Variants in FANCA observed in about 807,000 individuals in gnomAD.
FANCA encodes the protein FA complementation group A, also known as Fanconi anemia group A protein.
Under a neutral mutation model 194.3 loss-of-function variants are expected in FANCA, and 236 were observed. The ratio of observed to expected loss-of-function variants is 1.21; its 90% CI spans 1.09 to 1.35. FANCA has a LOEUF of 1.35. FANCA is among the 40% of genes most tolerant of loss of function. The pLI is 0.00. For synonymous variants in FANCA, 1,014 were observed against 715.8 expected (o/e 1.42, Z -6.65); for missense variants, 2,628 against 1,813.9 (o/e 1.45, Z -8.15).
At chr16:89,758,255 G>T (rs948318394) in intron 30 of FANCA, among the ~76,000 whole-genome samples, 1 of 152,186 alleles carries the variant, frequency 6.6e-6, no homozygotes, top group Non-Finnish European at 1.5e-5. Context: ...TATGTGATAG[G>T]CTCAAGTGTA....
intron 11 of FANCA, among the ~76,000 whole-genome samples, chr16:89,794,379 G>T (rs1269471958): frequency 6.6e-6 from 1 of 151,970 alleles, no homozygotes; most frequent in Admixed American, 6.6e-5. Flanking sequence ...GTGAAACCCT[G>T]TCTCTACTCA....
chr16:89,799,008 T>C (rs766561109), intron 10 of FANCA, 158 bp downstream of exon 10: 6 of 1,614,092 alleles, frequency 3.7e-6, no homozygotes, highest in African/African-American at 1.3e-5. Flanking sequence ...GGCTTTCCCA[T>C]GGTCGCCTCC....
chr16:89,803,960 C>CT lies in FANCA; in HGVS notation c.710-620dup, dbSNP rs35731284. 5.5e-3 allele frequency among the ~76,000 whole-genome samples: 830 copies of CT among 152,128 alleles called. 5 individuals carry two copies. The highest frequency in any genetic ancestry group is 0.019 in the African/African-American group (800 of 41,494). On this transcript the variant is annotated intron_variant, in intron 7 of 42. Coordinates refer to ENST00000389301, the MANE Select transcript of FANCA (RefSeq NM_000135.4). ...AATAAAAGTGGTTTCCAAGGGAGGT[C>CT]TTATGGATTGTCTTGCCTGCCAATC...
At chr16:89,808,498 C>G (rs1421951137) in intron 5 of FANCA, 131 bp from the exon 6 acceptor site, 5 of 903,348 alleles carry the variant, frequency 5.5e-6, no homozygotes, top group Non-Finnish European at 8.7e-6. Flanking sequence ...AAATTAACCT[C>G]AAGCAAAAAC....
Position 89,737,611 on chromosome 16 carries a change from G to A in FANCA, c.*990C>T. 9.5e-7 allele frequency: 1 copy of A among 1,054,736 alleles called. No homozygotes were observed. The highest frequency in any genetic ancestry group is 1.3e-6 in the Non-Finnish European group (1 of 758,412). 65.3% of individuals were successfully genotyped at this position (1,054,736 alleles called of 1,614,324 possible). ...TCCTGAAATGCACACAGCTGATGAA[G>A]CCACGTGACAGTGTATAAAGCAGTT... On this transcript the variant is annotated 3_prime_UTR_variant, in exon 43 of 43. Coordinates refer to ENST00000389301, the MANE Select transcript of FANCA (RefSeq NM_000135.4).
chr16:89,772,095 T>A (rs1034352224), intron 22 of FANCA, among the ~76,000 whole-genome samples: 1 of 152,186 alleles, frequency 6.6e-6, no homozygotes, highest in Non-Finnish European at 1.5e-5. Context: ...AACCTCCCCA[T>A]CTGAAATCCC....
In FANCA at chr16:89,816,576, C is replaced by A. The variant is rs1239434360; in HGVS notation, c.40G>T (p.Asp14Tyr). 6.6e-7 allele frequency: 1 copy of A among 1,524,658 alleles called. No individual in the cohort carries two copies. Among genetic ancestry groups the A allele is most frequent in the Non-Finnish European group, 8.7e-7 (1 of 1,144,120 alleles). 94.4% of individuals were successfully genotyped at this position (1,524,658 alleles called of 1,614,324 possible). A position where few individuals can be genotyped will look rare whatever the true frequency, so the allele number is the denominator to read the frequency against. The change falls in exon 1 of 43, where the codon GAC (aspartate) becomes TAC (tyrosine). Residue 14 changes from aspartate (D) to tyrosine (Y), a missense_variant. Transcript: ENST00000389301. Reference protein sequence around the residue: ...SWVPNSASGQDPGGRRRAWAE... With the variant: ...SWVPNSASGQYPGGRRRAWAE... ...CAGGCCCTCCGGCGGCCCCCTGGGT[C>A]CTGGCCCGAGGCGGAGTTCGGGACC...
intron 3 of FANCA, among the ~76,000 whole-genome samples, chr16:89,812,646 C>CAAAAAAAATAAAAAAA: frequency 2.4e-5 from 1 of 42,358 alleles, no homozygotes. Context: ...TACTCCGTCT[C>CAAAAAAAATAAAAAAA]AAAAAAAAAA....
intron 30 of FANCA, among the ~76,000 whole-genome samples, chr16:89,757,153 T>TG (rs2038794218): frequency 6.6e-6 from 1 of 152,066 alleles, no homozygotes; most frequent in Non-Finnish European, 1.5e-5. Flanking sequence ...TTTTTTTTTT[T>TG]GTCTAGACGG....
intron 18 of FANCA, among the ~76,000 whole-genome samples, 155 bp downstream of exon 18, chr16:89,779,714 G>A (rs1170536023): frequency 6.6e-6 from 1 of 152,212 alleles, no homozygotes; most frequent in Non-Finnish European, 1.5e-5. Context: ...GGCAGAAATG[G>A]GACACACTCC....
In FANCA at chr16:89,770,578, G is replaced by C. The variant is rs755638734; in HGVS notation, c.2208C>G (p.Val736=). ...FCQNLMAASS[V]APPERQGPWA... is the part of the protein sequence containing the mutation. ...CGCGCCTTCACCTCTCCGGGGGAGC[G>C]ACACTGGAGGCAGCCATCAGGTTCT... The change falls in exon 24 of 43, where the codon GTC becomes GTG. Residue 736 remains valine, a synonymous_variant. Coordinates refer to ENST00000389301, the MANE Select transcript of FANCA (RefSeq NM_000135.4). The C allele has an allele frequency of 1.9e-6, 3 of 1,610,790 alleles. No homozygotes were observed. Among genetic ancestry groups the C allele is most frequent in the Non-Finnish European group, 2.5e-6 (3 of 1,178,632 alleles).
At chr16:89,743,696 G>A (rs1487144457) in intron 36 of FANCA, among the ~76,000 whole-genome samples, 2 of 151,908 alleles carry the variant, frequency 1.3e-5, no homozygotes, top group African/African-American at 2.4e-5. Context: ...GGTGGCTCAC[G>A]CCTGTAATCC....
intron 26 of FANCA, among the ~76,000 whole-genome samples, chr16:89,768,989 C>A (rs1038429361): frequency 1.3e-5 from 2 of 152,158 alleles, no homozygotes. Flanking sequence ...GACTCTGTAT[C>A]CCCGGAGTAC....
intron 8 of FANCA, among the ~76,000 whole-genome samples, chr16:89,800,631 A>G (rs1028761555): frequency 6.6e-6 from 1 of 152,262 alleles, no homozygotes; most frequent in Non-Finnish European, 1.5e-5. Flanking sequence ...GCTATAGAAT[A>G]TAGAAATCAC....
intron 38 of FANCA, 50 bp downstream of exon 38, chr16:89,740,754 G>C (rs1239690416): frequency 1.3e-6 from 2 of 1,539,554 alleles, no homozygotes; most frequent in Non-Finnish European, 1.8e-6. Context: ...TGGTGCCCCT[G>C]CCTGGCCCAC....
intron 31 of FANCA, 79 bp downstream of exon 31, chr16:89,752,059 C>T (rs1225374192): frequency 9.1e-6 from 12 of 1,314,654 alleles, no homozygotes; most frequent in East Asian, 6.9e-5. Context: ...CGTGAGCCAC[C>T]GCGCCTGGCA....
chr16:89,759,955 G>C lies in FANCA; in HGVS notation c.2853-1250C>G, dbSNP rs17233329. On this transcript the variant is annotated intron_variant, in intron 29 of 42. Coordinates refer to ENST00000389301, the MANE Select transcript of FANCA (RefSeq NM_000135.4). ...GGGACCTGGGTGCTCCACCCACGCT[G>C]TGCGGGACCGGGGTGCTCCACCCAC... Among the ~76,000 whole-genome samples the C allele has an allele frequency of 4.4e-3, 664 of 151,728 alleles. 2 individuals carry two copies. The highest frequency in any genetic ancestry group is 0.015 in the African/African-American group (637 of 41,344).
At chr16:89,768,689 A>G (rs1010356) in intron 26 of FANCA, among the ~76,000 whole-genome samples, 61,704 of 151,952 alleles carry the variant, frequency 0.41, 13,747 homozygotes, top group East Asian at 0.75. Context: ...AACAAAAAAA[A>G]AAACAAAACA....
rs2039587563 is a variant in FANCA at position 89,778,445 on chromosome 16, AAC to A, written c.1826+354_1826+355del. On this transcript the variant is annotated intron_variant, in intron 20 of 42. Transcript: ENST00000389301. ...TGTGCAATTGCACTCCAGCCTGGGCAACAGAGCGAGACTCCATCTAAAAAAAA... is the reference window on the plus strand; with the variant it reads ...TGTGCAATTGCACTCCAGCCTGGGCAAGAGCGAGACTCCATCTAAAAAAAA... The A allele has an allele frequency of 9.4e-6, 3 of 318,604 alleles. No individual in the cohort carries two copies. The Admixed American group carries it at 1.5e-4, about 16-fold the overall frequency. The allele number at this position is 318,604 out of a possible 1,614,324, so 19.7% of individuals were successfully genotyped here. A position where few individuals can be genotyped will look rare whatever the true frequency, so the allele number is the denominator to read the frequency against.
Sources: gnomAD v4.1 joint callset for allele counts (sites outside exome capture counted in the v4.1 genomes callset) on GRCh38, gnomAD v4.1.1 for gene constraint, MANE v1.5 for transcripts, NCBI Gene and HGNC (gene_info 2026-07-23, HGNC 2026-07-21) for gene names.